RNF152: variants seen among roughly 807,000 people sequenced by gnomAD.
RNF152 encodes the protein ring finger protein 152, also known as E3 ubiquitin-protein ligase RNF152.
A neutral mutation model predicts 12.7 loss-of-function variants in RNF152; 11 were observed. The observed-to-expected ratio is 0.86, with a 90% confidence interval of 0.54 to 1.43. RNF152 has a LOEUF of 1.43. Among genes scored for constraint, RNF152 ranks in the 40% most tolerant of loss-of-function variants. The pLI, the probability that RNF152 is intolerant of heterozygous loss-of-function variation, is 0.00. For missense variants in RNF152, 255 were observed against 274.8 expected, an observed-to-expected ratio of 0.93 and a Z score of 0.51; for synonymous variants, 113 against 120.3, an observed-to-expected ratio of 0.94 and a Z score of 0.40.
intron 1 of RNF152, among the ~76,000 whole-genome samples, chr18:61,833,408 C>T (rs4941068): frequency 6.6e-6 from 1 of 151,910 alleles, no homozygotes; most frequent in African/African-American, 2.4e-5. Context: ...ATCCAAATTT[C>T]AGGTGATTCA....
intron 1 of RNF152, among the ~76,000 whole-genome samples, chr18:61,885,191 G>A (rs866641317): frequency 6.6e-5 from 10 of 152,062 alleles, no homozygotes; most frequent in Admixed American, 4.6e-4. Context: ...ATTAATCTTC[G>A]AGGAAGCAAT....
chr18:61,818,755 C>T (rs1161471968), intron 1 of RNF152, among the ~76,000 whole-genome samples: 5 of 152,280 alleles, frequency 3.3e-5, no homozygotes, highest in African/African-American at 9.6e-5. Flanking sequence ...AAGGAACACA[C>T]GAATATATTT....
At position 61,823,035 on chromosome 18, in the gene RNF152, G is replaced by A. The variant is rs1178021068; in HGVS notation, c.-135-6437C>T. ...AAACACTCCAATTAGTGGCAAGAATGGGAATGCCCGGTGACAGATGTGTCA... is the reference window on the plus strand; with the variant it reads ...AAACACTCCAATTAGTGGCAAGAATAGGAATGCCCGGTGACAGATGTGTCA... On this transcript the variant is annotated intron_variant, in intron 1 of 1. Coordinates refer to ENST00000312828, the MANE Select transcript of RNF152 (RefSeq NM_173557.3). Among the ~76,000 whole-genome samples, 8 of 152,226 alleles carry A rather than the reference G, an allele frequency of 5.3e-5. No homozygotes were observed. The East Asian group carries it at 9.6e-4, about 18-fold the overall frequency.
rs1479512893 is a variant in RNF152, at chr18:61,809,816, G to A, written c.*6036C>T. On this transcript the variant is annotated 3_prime_UTR_variant, in exon 2 of 2. Coordinates refer to ENST00000312828, the MANE Select transcript of RNF152 (RefSeq NM_173557.3). Reference sequence around the variant, plus strand: ...TATTTCAAGCACCACTACATCATAGGTGAGATATATATAGTGGGATACCCC... The same window carrying A: ...TATTTCAAGCACCACTACATCATAGATGAGATATATATAGTGGGATACCCC... 6.8e-6 allele frequency: 1 copy of A among 146,192 alleles called. No individual in the cohort carries two copies. Among genetic ancestry groups the A allele is most frequent in the Non-Finnish European group, 1.5e-5 (1 of 66,982 alleles). 9.1% of individuals were successfully genotyped at this position (146,192 alleles called of 1,614,324 possible).
rs552998496 is a variant in RNF152 at position 61,825,093 on chromosome 18, C to T, written c.-135-8495G>A. On this transcript the variant is annotated intron_variant, in intron 1 of 1. Transcript: ENST00000312828. ...CAAAAATCCTACTAAGTCTTACCAG[C>T]TGCTGAACAGCTACAAAGAACATAG... Among the ~76,000 whole-genome samples the T allele has an allele frequency of 3.9e-5, 6 of 152,322 alleles. No individual in the cohort carries two copies. The South Asian group carries it at 1.2e-3, about 32-fold the overall frequency.
At chr18:61,820,334 A>C (rs1281766847) in intron 1 of RNF152, among the ~76,000 whole-genome samples, 10 of 143,776 alleles carry the variant, frequency 7.0e-5, no homozygotes, top group Non-Finnish European at 1.2e-4. Flanking sequence ...GTCTCACCAA[A>C]AAAAAAAAAA....
chr18:61,808,272 C>T lies in RNF152; in HGVS notation c.*7580G>A, dbSNP rs1912783824. 6.6e-6 allele frequency: 1 copy of T among 150,552 alleles called. No homozygotes were observed. The highest frequency in any genetic ancestry group is 1.5e-5 in the Non-Finnish European group (1 of 67,878). The allele number at this position is 150,552 out of a possible 1,614,324, so 9.3% of individuals were successfully genotyped here. ...CAAGCAAGAATGCTTTTAAGACATT[C>T]AGATTTATAAACAGCAGCTTGATAT... On this transcript the variant is annotated 3_prime_UTR_variant, in exon 2 of 2. Coordinates refer to ENST00000312828, the MANE Select transcript of RNF152 (RefSeq NM_173557.3).
At chr18:61,817,775 T>C (rs533990835) in intron 1 of RNF152, among the ~76,000 whole-genome samples, 21 of 151,204 alleles carry the variant, frequency 1.4e-4, no homozygotes, top group African/African-American at 5.1e-4. Flanking sequence ...CATCCTGGTA[T>C]GGAGGGGAGG....
At chr18:61,847,345 A>T (rs966434100) in intron 1 of RNF152, among the ~76,000 whole-genome samples, 4 of 152,176 alleles carry the variant, frequency 2.6e-5, no homozygotes, top group Non-Finnish European at 4.4e-5. Flanking sequence ...TGAAACTTTC[A>T]TTGCATAATG....
At chr18:61,858,531 A>T (rs1477580559) in intron 1 of RNF152, among the ~76,000 whole-genome samples, 1 of 151,838 alleles carries the variant, frequency 6.6e-6, no homozygotes, top group Non-Finnish European at 1.5e-5. Flanking sequence ...TTCACATTCC[A>T]ACCTATCACC....
intron 1 of RNF152, among the ~76,000 whole-genome samples, chr18:61,878,902 T>C (rs1912331867): frequency 6.6e-6 from 1 of 152,212 alleles, no homozygotes; most frequent in Non-Finnish European, 1.5e-5. Context: ...TACATTCAAA[T>C]GATAGCAGTT....
intron 1 of RNF152, among the ~76,000 whole-genome samples, chr18:61,884,399 T>C (rs2144764075): frequency 6.6e-6 from 1 of 151,518 alleles, no homozygotes; most frequent in South Asian, 2.1e-4. Flanking sequence ...TGAGAGAATA[T>C]CAGATACATT....
At chr18:61,888,839 A>C (rs1912814863) in intron 1 of RNF152, 1 of 152,236 alleles carries the variant, frequency 6.6e-6, no homozygotes, top group South Asian at 2.1e-4. Flanking sequence ...TCCGGTTTCC[A>C]TGACGTCACA....
rs186032055 is a variant in RNF152, at chr18:61,822,394, A to G, written c.-135-5796T>C. ...GCCCTAGATATTTTGTGCTTTTGAA[A>G]GTCCTTTACAATAACAATTTACTTT... On this transcript the variant is annotated intron_variant, in intron 1 of 1. Transcript: ENST00000312828. Among the ~76,000 whole-genome samples, 425 of 152,336 alleles carry G rather than the reference A, an allele frequency of 2.8e-3. 1 individual carries two copies. Among genetic ancestry groups the G allele is most frequent in the Admixed American group, 8.4e-3 (129 of 15,302 alleles).
intron 1 of RNF152, among the ~76,000 whole-genome samples, chr18:61,891,286 T>C: frequency 6.6e-6 from 1 of 152,236 alleles, no homozygotes; most frequent in East Asian, 1.9e-4. Flanking sequence ...ATGGACACTT[T>C]ATTATGATTT....
intron 1 of RNF152, among the ~76,000 whole-genome samples, chr18:61,832,235 A>C (rs1392573997): frequency 6.6e-6 from 1 of 152,222 alleles, no homozygotes; most frequent in African/African-American, 2.4e-5. Flanking sequence ...AATTCATTCT[A>C]AAGCATTTCA....
Position 61,853,616 on chromosome 18 carries a change from G to C in RNF152, c.-135-37018C>G, listed in dbSNP as rs112471489. The stretch of plus-strand genomic sequence containing the variant: ...GGTTCCTTACCTTTTTTAGCTGCCA[G>C]TGGCTGCCTGCATTCCCCAGCTCAT... On this transcript the variant is annotated intron_variant, in intron 1 of 1. Coordinates refer to ENST00000312828, the MANE Select transcript of RNF152 (RefSeq NM_173557.3). 3.3e-5 allele frequency among the ~76,000 whole-genome samples: 5 copies of C among 152,170 alleles called. 1 individual carries two copies. Among genetic ancestry groups the C allele is most frequent in the African/African-American group, 1.2e-4 (5 of 41,532 alleles).
At chr18:61,848,150 C>T (rs1910817995) in intron 1 of RNF152, among the ~76,000 whole-genome samples, 1 of 152,088 alleles carries the variant, frequency 6.6e-6, no homozygotes, top group Admixed American at 6.5e-5. Flanking sequence ...CACCTGATTT[C>T]AAAAGCGCCT....
At chr18:61,820,328 CACCAAAAAAAAAA>C (rs766593892) in intron 1 of RNF152, among the ~76,000 whole-genome samples, 703 of 28,104 alleles carry the variant, frequency 0.025, 29 homozygotes, top group Middle Eastern at 0.045. Flanking sequence ...GACTCCGTCT[CACCAAAAAAAAAA>C]AAAAAAAAAA....
Sources: gnomAD v4.1 joint callset for allele counts (sites outside exome capture counted in the v4.1 genomes callset) on GRCh38, gnomAD v4.1.1 for gene constraint, MANE v1.5 for transcripts, NCBI Gene and HGNC (gene_info 2026-07-23, HGNC 2026-07-21) for gene names.